NOS1: variants seen among roughly 807,000 people sequenced by gnomAD.
NOS1 encodes the protein NOS type I.
NOS1 carries 51 observed loss-of-function variants against 164.5 expected under a neutral mutation model. That is an observed-to-expected ratio of 0.31 (90% CI 0.25 to 0.39). The LOEUF (loss-of-function observed/expected upper bound fraction) is 0.39. Among genes scored for constraint, NOS1 ranks in the 10% least tolerant of loss-of-function variants. The pLI is 1.00. For missense variants in NOS1, 1,362 were observed against 1,885.6 expected (o/e 0.72, Z 5.14); for synonymous variants, 719 against 745.8 (o/e 0.96, Z 0.59).
At chr12:117,336,910 C>A (rs932364517) in intron 1 of NOS1, among the ~76,000 whole-genome samples, 1 of 152,018 alleles carries the variant, frequency 6.6e-6, no homozygotes, top group Non-Finnish European at 1.5e-5. Flanking sequence ...GATCCTCCTA[C>A]TTCAGCCCCC....
At chr12:117,268,398 G>C (rs1248154064) in intron 10 of NOS1, among the ~76,000 whole-genome samples, 2 of 150,278 alleles carry the variant, frequency 1.3e-5, no homozygotes, top group African/African-American at 4.9e-5. Flanking sequence ...GCCTGGCTAA[G>C]TTTTTGTATT....
At position 117,211,151 on chromosome 12, in the gene NOS1, G is replaced by A; in HGVS notation, c.*4158C>T. The A allele has an allele frequency of 1.4e-6, 1 of 710,612 alleles. No individual in the cohort carries two copies. Among genetic ancestry groups the A allele is most frequent in the Non-Finnish European group, 1.7e-6 (1 of 579,476 alleles). The allele number at this position is 710,612 out of a possible 1,614,324, so 44.0% of individuals were successfully genotyped here. Reference sequence around the variant, plus strand: ...TTTGTATTTTCTTAGTAGAGTCAGGGTTTCTACTAACTGGCTGACTGGTCT... The same window carrying A: ...TTTGTATTTTCTTAGTAGAGTCAGGATTTCTACTAACTGGCTGACTGGTCT... On this transcript the variant is annotated 3_prime_UTR_variant, in exon 29 of 29. Coordinates refer to ENST00000317775, the MANE Select transcript of NOS1 (RefSeq NM_000620.5).
At chr12:117,346,282 C>T (rs1278775159) in intron 1 of NOS1, among the ~76,000 whole-genome samples, 1 of 152,144 alleles carries the variant, frequency 6.6e-6, no homozygotes, top group African/African-American at 2.4e-5. Flanking sequence ...ACCAGTCTGG[C>T]CAACATGGTG....
intron 5 of NOS1, among the ~76,000 whole-genome samples, chr12:117,286,970 T>C (rs1872747604): frequency 6.6e-6 from 1 of 152,196 alleles, no homozygotes; most frequent in African/African-American, 2.4e-5. Context: ...GTCCCAGCAC[T>C]TTGGGAGGCC....
intron 3 of NOS1, among the ~76,000 whole-genome samples, chr12:117,294,407 T>C (rs1442224366): frequency 6.6e-6 from 1 of 151,666 alleles, no homozygotes; most frequent in East Asian, 1.9e-4. Flanking sequence ...GTGCGAGGGG[T>C]GGTCGTTACG....
At chr12:117,280,957 C>A in intron 7 of NOS1, 91 bp from the exon 8 acceptor site, 1 of 1,461,082 alleles carries the variant, frequency 6.8e-7, no homozygotes, top group Non-Finnish European at 9.4e-7. Flanking sequence ...GCGACAGCTG[C>A]TTGAGGCTCA....
At position 117,231,905 on chromosome 12, in the gene NOS1, T is replaced by A. The variant is rs565254325; in HGVS notation, c.3405+57A>T. The A allele has an allele frequency of 7.4e-4, 1,127 of 1,531,834 alleles. 20 individuals are homozygous for A. The South Asian group carries it at 0.013, about 17-fold the overall frequency. 94.9% of individuals were successfully genotyped at this position (1,531,834 alleles called of 1,614,324 possible). A position where few individuals can be genotyped will look rare whatever the true frequency, so the allele number is the denominator to read the frequency against. Reference sequence around the variant, plus strand: ...CCTGGTAATAACAGTTTTCAACTCTTTAATGACGAGGAGGTGAAATGCGCC... The same window carrying A: ...CCTGGTAATAACAGTTTTCAACTCTATAATGACGAGGAGGTGAAATGCGCC... On this transcript the variant is annotated intron_variant, in intron 22 of 28. Coordinates refer to ENST00000317775, the MANE Select transcript of NOS1 (RefSeq NM_000620.5).
At chr12:117,229,593 T>C (rs1723381255) in intron 22 of NOS1, among the ~76,000 whole-genome samples, 1 of 152,082 alleles carries the variant, frequency 6.6e-6, no homozygotes, top group Non-Finnish European at 1.5e-5. Flanking sequence ...TCTATCTATC[T>C]ATCTATCTAT....
Position 117,243,156 on chromosome 12 carries a change from A to G in NOS1, c.2962+141T>C. 4 of 964,710 alleles carry G rather than the reference A, an allele frequency of 4.1e-6. No individual in the cohort carries two copies. The highest frequency in any genetic ancestry group is 4.6e-6 in the Non-Finnish European group (3 of 646,740). The allele number at this position is 964,710 out of a possible 1,614,324, so 59.8% of individuals were successfully genotyped here. A position where few individuals can be genotyped will look rare whatever the true frequency, so the allele number is the denominator to read the frequency against. On this transcript the variant is annotated intron_variant, in intron 19 of 28. Transcript: ENST00000317775. This position sits in a 1 kb window ranked among gnomAD's most constrained non-coding sequence, Gnocchi z 4.3. ...GTTTTACTGAGTGTGGGAGAGCAGC[A>G]AAGTATTCATTTTGGTAGGACTGCA...
intron 3 of NOS1, among the ~76,000 whole-genome samples, chr12:117,302,974 G>C (rs1046967736): frequency 6.6e-6 from 1 of 152,146 alleles, no homozygotes; most frequent in African/African-American, 2.4e-5. Flanking sequence ...TCGAACTCCT[G>C]ATCTCAAGTG....
chr12:117,243,507 T>C lies in NOS1; in HGVS notation c.2824-72A>G, dbSNP rs1306000284. 6.4e-7 allele frequency: 1 copy of C among 1,554,994 alleles called. No individual in the cohort carries two copies. Among genetic ancestry groups the C allele is most frequent in the East Asian group, 2.3e-5 (1 of 44,124 alleles). ...TCTCCTCTCCAACAGCTCCAAGTCA[T>C]GGCATGTATCTCTTCATTCACCCAT... On this transcript the variant is annotated intron_variant, in intron 18 of 28. Coordinates refer to ENST00000317775, the MANE Select transcript of NOS1 (RefSeq NM_000620.5). The surrounding 1 kb of genome is among the most constrained non-coding windows in gnomAD (Gnocchi z 4.3).
chr12:117,262,495 G>C (rs1172754055), intron 13 of NOS1, among the ~76,000 whole-genome samples: 1 of 148,036 alleles, frequency 6.8e-6, no homozygotes, highest in Non-Finnish European at 1.5e-5. Context: ...GGGGGAGAGA[G>C]AGAGAGAGAG....
chr12:117,337,189 C>T (rs1339098870), intron 1 of NOS1, among the ~76,000 whole-genome samples: 2 of 142,850 alleles, frequency 1.4e-5, no homozygotes, highest in Non-Finnish European at 3.0e-5. Flanking sequence ...GATCTCGGCT[C>T]ACCGCAAGCT....
rs766547905 is a variant in NOS1, at chr12:117,220,316, G to A, written c.3976-47C>T. ...GAGAAGGGGCTGGGCTGTGCAACGT[G>A]CCTGCCATAGCCCATGTCTGCCCAG... On this transcript the variant is annotated intron_variant, in intron 26 of 28. Coordinates refer to ENST00000317775, the MANE Select transcript of NOS1 (RefSeq NM_000620.5). 11 of 1,520,584 alleles carry A rather than the reference G, an allele frequency of 7.2e-6. No individual in the cohort carries two copies. In the South Asian group the frequency reaches 1.4e-4, roughly 19 times the overall value. 94.2% of individuals were successfully genotyped at this position (1,520,584 alleles called of 1,614,324 possible). A position where few individuals can be genotyped will look rare whatever the true frequency, so the allele number is the denominator to read the frequency against.
chr12:117,223,265 C>CTT (rs112723960), intron 25 of NOS1, among the ~76,000 whole-genome samples: 7 of 143,452 alleles, frequency 4.9e-5, no homozygotes, highest in East Asian at 2.0e-4. Flanking sequence ...ACTTACTCAA[C>CTT]TTTTTTTTTT....
chr12:117,345,222 C>T (rs941944644), intron 1 of NOS1, among the ~76,000 whole-genome samples: 32 of 152,110 alleles, frequency 2.1e-4, no homozygotes, highest in Middle Eastern at 3.4e-3. Context: ...GGGATTTTGC[C>T]GTGTTGGCCA....
intron 20 of NOS1, among the ~76,000 whole-genome samples, chr12:117,241,711 T>C (rs1870190212): frequency 1.3e-5 from 2 of 152,146 alleles, no homozygotes. Flanking sequence ...TGAGAAGACG[T>C]GATGTCTAAG....
intron 25 of NOS1, among the ~76,000 whole-genome samples, chr12:117,223,618 C>T (rs760700779): frequency 1.3e-4 from 20 of 151,718 alleles, no homozygotes; most frequent in Admixed American, 5.9e-4. Context: ...ACTATGTTGC[C>T]CAGGCTGGAG....
chr12:117,280,333 G>T (rs576971893), intron 8 of NOS1, among the ~76,000 whole-genome samples: 56 of 152,306 alleles, frequency 3.7e-4, no homozygotes, highest in African/African-American at 1.3e-3. Context: ...ACTCAGAAAA[G>T]GTGGATGCCA....
Sources: allele counts gnomAD v4.1 joint callset (sites outside exome capture counted in the v4.1 genomes callset), GRCh38; gene constraint gnomAD v4.1.1; non-coding constraint Gnocchi (gnomAD v3.1); transcripts MANE v1.5; gene names NCBI Gene and HGNC (gene_info 2026-07-23, HGNC 2026-07-21).